Variants in STON2 observed in about 807,000 individuals in gnomAD.
STON2 encodes the protein stonin-2.
Under a neutral mutation model 65.7 loss-of-function variants are expected in STON2, and 29 were observed. That is an observed-to-expected ratio of 0.44 (90% CI 0.33 to 0.60). The LOEUF (loss-of-function observed/expected upper bound fraction) is 0.60, where lower values mean the gene tolerates loss of function less well. Ranked by LOEUF, STON2 falls within the 20% of genes least tolerant of loss-of-function variation. The probability of loss-of-function intolerance (pLI) is 0.03; values close to 1 mark genes in which losing one functional copy is unlikely to be tolerated. For missense variants in STON2, 1,054 were observed against 1,118.1 expected (o/e 0.94, Z 0.82); for synonymous variants, 404 against 414.2 (o/e 0.98, Z 0.30).
At chr14:81,414,824 T>C (rs1901346184) in intron 2 of STON2, among the ~76,000 whole-genome samples, 1 of 152,152 alleles carries the variant, frequency 6.6e-6, no homozygotes, top group Non-Finnish European at 1.5e-5. Context: ...AATTAGATAA[T>C]GTAAATTATT....
intron 5 of STON2, among the ~76,000 whole-genome samples, chr14:81,285,544 T>C (rs1388912049): frequency 2.0e-5 from 3 of 152,238 alleles, no homozygotes; most frequent in Non-Finnish European, 4.4e-5. Context: ...CGCCTTTGCC[T>C]AAGTGCTCAG....
chr14:81,388,673 C>T (rs138198937), intron 3 of STON2, among the ~76,000 whole-genome samples: 530 of 152,260 alleles, frequency 3.5e-3, no homozygotes, highest in Middle Eastern at 0.01. Flanking sequence ...GTCCAATGCT[C>T]GCTTGGCTTT....
chr14:81,418,320 G>C (rs1266491683), intron 2 of STON2: 1 of 152,182 alleles, frequency 6.6e-6, no homozygotes, highest in Non-Finnish European at 1.5e-5. Flanking sequence ...TCACTGTCAT[G>C]AGAACAGCAC....
At chr14:81,427,647 A>T (rs1294690866) in intron 1 of STON2, among the ~76,000 whole-genome samples, 1 of 152,122 alleles carries the variant, frequency 6.6e-6, no homozygotes, top group Non-Finnish European at 1.5e-5. Flanking sequence ...GATTTACTCA[A>T]ATAGATCCTC....
chr14:81,340,665 C>T (rs990542786), intron 4 of STON2, among the ~76,000 whole-genome samples: 28 of 152,210 alleles, frequency 1.8e-4, no homozygotes, highest in Non-Finnish European at 3.8e-4. Context: ...CCACCCACCA[C>T]CTAGATGACT....
At chr14:81,330,066 C>T (rs1897153834) in intron 4 of STON2, among the ~76,000 whole-genome samples, 1 of 152,224 alleles carries the variant, frequency 6.6e-6, no homozygotes, top group South Asian at 2.1e-4. Context: ...AGGTATCCAC[C>T]TCTCTATCCT....
Position 81,261,605 on chromosome 14 carries a change from T to C in STON2, c.*6809A>G, listed in dbSNP as rs1595254427. 1.8e-6 allele frequency: 1 copy of C among 556,720 alleles called. No homozygotes were observed. The allele number at this position is 556,720 out of a possible 1,614,324, so 34.5% of individuals were successfully genotyped here. On this transcript the variant is annotated 3_prime_UTR_variant, in exon 8 of 8. Transcript: ENST00000614646. ...CCATAACTTACAAATAGTCCCAGGA[T>C]GTTTACTGAGTGTCCTCCTTCAATT...
Position 81,385,025 on chromosome 14 carries a change from T to G in STON2, c.373+10869A>C, listed in dbSNP as rs570154066. On this transcript the variant is annotated intron_variant, in intron 3 of 7. Coordinates refer to ENST00000614646, the MANE Select transcript of STON2 (RefSeq NM_001394390.1). ...CCCAAAAGCTCCATTAGTAACAGAT[T>G]GCCCAACTGTTAGGCAACTTCAACG... Among the ~76,000 whole-genome samples, 25 of 152,338 alleles carry G rather than the reference T, an allele frequency of 1.6e-4. 1 individual carries two copies. The Middle Eastern group carries it at 0.014, about 83-fold the overall frequency.
chr14:81,432,015 T>C (rs571998129), intron 1 of STON2, among the ~76,000 whole-genome samples: 3 of 152,286 alleles, frequency 2.0e-5, no homozygotes, highest in South Asian at 2.1e-4. Flanking sequence ...TCTGCACTCA[T>C]CCTACCTTCA....
At chr14:81,342,013 T>C (rs547785105) in intron 4 of STON2, among the ~76,000 whole-genome samples, 2 of 152,200 alleles carry the variant, frequency 1.3e-5, no homozygotes, top group African/African-American at 2.4e-5. Flanking sequence ...ATCTAGGAGT[T>C]CAGATGCTGG....
At chr14:81,379,809 T>G (rs1211137510) in intron 3 of STON2, among the ~76,000 whole-genome samples, 1 of 152,210 alleles carries the variant, frequency 6.6e-6, no homozygotes, top group Non-Finnish European at 1.5e-5. Context: ...AGATTGAAAG[T>G]GGACTCCTAC....
At chr14:81,379,756 A>G (rs1899424192) in intron 3 of STON2, among the ~76,000 whole-genome samples, 2 of 152,226 alleles carry the variant, frequency 1.3e-5, no homozygotes, top group African/African-American at 4.8e-5. Context: ...AAGACTTTCT[A>G]TTCAATAAAT....
chr14:81,344,488 TG>T (rs1173280657), intron 4 of STON2, among the ~76,000 whole-genome samples: 9 of 152,374 alleles, frequency 5.9e-5, no homozygotes, highest in African/African-American at 1.9e-4. Flanking sequence ...ACAATGTAAT[TG>T]GGATAATTTC....
At chr14:81,400,853 A>T (rs1900577261), upstream of STON2, among the ~76,000 whole-genome samples, 3 of 152,124 alleles carry the variant, frequency 2.0e-5, no homozygotes, top group South Asian at 6.2e-4. Context: ...CTTCAGTTCA[A>T]CCTTGTACAG....
intron 1 of STON2, among the ~76,000 whole-genome samples, chr14:81,433,824 G>A (rs182446735): frequency 1.3e-5 from 2 of 152,314 alleles, no homozygotes; most frequent in East Asian, 3.9e-4. Flanking sequence ...CAGCATGAGA[G>A]GGAACTAAAT....
chr14:81,298,022 A>G (rs976876614), intron 5 of STON2, among the ~76,000 whole-genome samples: 22 of 152,192 alleles, frequency 1.4e-4, no homozygotes, highest in African/African-American at 5.1e-4. Flanking sequence ...GGGCAACAAG[A>G]GCAAAACTCT....
Position 81,262,006 on chromosome 14 carries a change from CA to C in STON2, c.*6407del. On this transcript the variant is annotated 3_prime_UTR_variant, in exon 8 of 8. Transcript: ENST00000614646. ...AAAAAGATGGACCAGGTGATTTTTC[CA>C]ATCTTCAAAATTTAAATTTCTTGGT... 1 of 1,365,868 alleles carries C rather than the reference CA, an allele frequency of 7.3e-7. No individual in the cohort carries two copies. 84.6% of individuals were successfully genotyped at this position (1,365,868 alleles called of 1,614,324 possible).
intron 2 of STON2, among the ~76,000 whole-genome samples, chr14:81,396,476 A>T (rs1900328642): frequency 1.3e-5 from 2 of 152,238 alleles, no homozygotes; most frequent in Admixed American, 6.5e-5. Context: ...CACAAAGGAA[A>T]GTGCTTACAG....
intron 4 of STON2, among the ~76,000 whole-genome samples, chr14:81,335,827 G>C (rs1046850896): frequency 1.3e-5 from 2 of 152,164 alleles, no homozygotes; most frequent in African/African-American, 4.8e-5. Context: ...TGTTGAGTAG[G>C]AATTCATGGA....
Sources: allele counts gnomAD v4.1 joint callset (sites outside exome capture counted in the v4.1 genomes callset), GRCh38; gene constraint gnomAD v4.1.1; transcripts MANE v1.5; gene names NCBI Gene and HGNC (gene_info 2026-07-23, HGNC 2026-07-21).